The following RYR3 variants were observed in gnomAD, a reference collection of about 807,000 sequenced individuals.
RYR3 encodes ryanodine receptor 3.
Under a neutral mutation model 584.3 loss-of-function variants are expected in RYR3, and 207 were observed. The ratio of observed to expected loss-of-function variants is 0.35; its 90% confidence interval spans 0.32 to 0.40. The LOEUF is 0.40. RYR3 is among the 10% of genes least tolerant of loss of function. The probability of loss-of-function intolerance (pLI) is 1.00; values close to 1 mark genes in which losing one functional copy is unlikely to be tolerated. For missense variants in RYR3, 5,616 were observed against 6,089.2 expected, an observed-to-expected ratio of 0.92 and a Z score of 2.59; for synonymous variants, 2,416 against 2,248.5, an observed-to-expected ratio of 1.07 and a Z score of -2.11.
chr15:33,543,497 CA>C (rs892989450), intron 7 of RYR3, 124 bp from the exon 8 acceptor site: 1 of 706,562 alleles, frequency 1.4e-6, no homozygotes, highest in African/African-American at 1.7e-5. Flanking sequence ...ATGTAGTTAT[CA>C]AAATGTGTCT....
intron 43 of RYR3, among the ~76,000 whole-genome samples, chr15:33,713,357 T>C (rs1227690905): frequency 1.3e-5 from 2 of 151,814 alleles, no homozygotes; most frequent in Non-Finnish European, 2.9e-5. Flanking sequence ...TAGTGAGTTG[T>C]AGGGTGACTG....
chr15:33,538,915 C>T (rs769157028), intron 5 of RYR3, among the ~76,000 whole-genome samples: 24 of 151,974 alleles, frequency 1.6e-4, no homozygotes, highest in Non-Finnish European at 3.4e-4. Flanking sequence ...TTTAAAAAAG[C>T]TTCCCTTAGG....
Position 33,788,071 on chromosome 15 carries a change from T to C in RYR3, c.9590-147T>C. 3.1e-6 allele frequency: 3 copies of C among 959,446 alleles called. No homozygotes were observed. In the South Asian group the frequency reaches 4.5e-5, roughly 14 times the overall value. The allele number at this position is 959,446 out of a possible 1,614,324, so 59.4% of individuals were successfully genotyped here. Reference sequence around the variant, plus strand: ...TCAAGGTGACTCTATGAGAGGGAAGTATCAAGGGGAAGATTGAGGAAGGGA... The same window carrying C: ...TCAAGGTGACTCTATGAGAGGGAAGCATCAAGGGGAAGATTGAGGAAGGGA... On this transcript the variant is annotated intron_variant, in intron 66 of 103. Transcript: ENST00000634891.
rs116759111 is a variant in RYR3 at position 33,804,158 on chromosome 15, C to A, written c.10011+2197C>A. On this transcript the variant is annotated intron_variant, in intron 69 of 103. Coordinates refer to ENST00000634891, the MANE Select transcript of RYR3 (RefSeq NM_001036.6). ...GTCATTTTCAGAAAGTGGTCTTCTT[C>A]CTTGCTGGTCCGGTTAGTCTGTAGA... Among the ~76,000 whole-genome samples, 310 of 152,336 alleles carry A rather than the reference C, an allele frequency of 2.0e-3. 1 individual carries two copies. Among genetic ancestry groups the A allele is most frequent in the African/African-American group, 6.9e-3 (287 of 41,570 alleles).
At position 33,550,290 on chromosome 15, in the gene RYR3, A is replaced by G; in HGVS notation, c.946A>G (p.Thr316Ala). The part of the protein sequence containing the change: ...QDRAKSDTKS[T>A]AFSFRASKEL... ...CCGGGCAAAGTCAGACACCAAGTCC[A>G]CAGCTTTCTCTTTCCGGGCATCAAA... The change falls in exon 10 of 104, where the codon ACA becomes GCA. Residue 316 changes from threonine (T) to alanine (A), a missense_variant. Thr to Ala is a moderately conservative substitution (Grantham distance 58). Coordinates refer to ENST00000634891, the MANE Select transcript of RYR3 (RefSeq NM_001036.6). 1 of 1,613,472 alleles carries G rather than the reference A, an allele frequency of 6.2e-7. No individual in the cohort carries two copies. Among genetic ancestry groups the G allele is most frequent in the Non-Finnish European group, 8.5e-7 (1 of 1,179,658 alleles).
rs776512613 is a variant in RYR3, at chr15:33,663,671, C to T, written c.5553C>T (p.Ala1851=). ...TCCGCTACAATGAGCTCATGCAGGC[C>T]CTGAACATGTCTGCGGCCCTGACTG... is the stretch of plus-strand genomic sequence containing the variant. The part of the protein sequence containing the change: ...QKFRYNELMQ[A]LNMSAALTAR... The change falls in exon 36 of 104, where the codon GCC becomes GCT. Residue 1851 remains alanine, a synonymous_variant. Coordinates refer to ENST00000634891, the MANE Select transcript of RYR3 (RefSeq NM_001036.6). The T allele has an allele frequency of 3.7e-6, 6 of 1,612,814 alleles. No homozygotes were observed. Among genetic ancestry groups the T allele is most frequent in the Non-Finnish European group, 5.1e-6 (6 of 1,179,588 alleles).
At chr15:33,601,949 C>T (rs1303755227) in intron 17 of RYR3, among the ~76,000 whole-genome samples, 1 of 152,196 alleles carries the variant, frequency 6.6e-6, no homozygotes, top group Non-Finnish European at 1.5e-5. Flanking sequence ...GAGACTGTGG[C>T]TTCTTGCATC....
In RYR3 at chr15:33,352,675, G is replaced by T. The variant is rs1264956168; in HGVS notation, c.51+41579G>T. On this transcript the variant is annotated intron_variant, in intron 1 of 103. Coordinates refer to ENST00000634891, the MANE Select transcript of RYR3 (RefSeq NM_001036.6). ...GTCTGATACTCTTTAAGCTAACAATGCATAGAATATTATTCACAAGCAAAA... is the reference window on the plus strand; with the variant it reads ...GTCTGATACTCTTTAAGCTAACAATTCATAGAATATTATTCACAAGCAAAA... 3.9e-5 allele frequency among the ~76,000 whole-genome samples: 6 copies of T among 152,192 alleles called. No homozygotes were observed. The East Asian group carries it at 1.2e-3, about 29-fold the overall frequency.
chr15:33,550,405 G>A (rs2056595036), intron 10 of RYR3, 89 bp downstream of exon 10: 1 of 1,318,574 alleles, frequency 7.6e-7, no homozygotes, highest in Admixed American at 2.8e-5. Flanking sequence ...AAAGAAAGTA[G>A]GCTGGAACAA....
chr15:33,470,576 A>T (rs2048849187), intron 1 of RYR3, among the ~76,000 whole-genome samples: 1 of 152,234 alleles, frequency 6.6e-6, no homozygotes, highest in African/African-American at 2.4e-5. Context: ...AAAGTAAGGA[A>T]TGCGAAAGCA....
intron 72 of RYR3, among the ~76,000 whole-genome samples, chr15:33,812,299 C>T (rs78155170): frequency 0.011 from 1,598 of 152,018 alleles, 16 homozygotes; most frequent in Non-Finnish European, 0.017. Context: ...CAAAGCACAT[C>T]AGGAAATCTA....
intron 92 of RYR3, 73 bp from the exon 93 acceptor site, chr15:33,844,789 A>G (rs1036314742): frequency 3.1e-6 from 4 of 1,307,892 alleles, no homozygotes; most frequent in Non-Finnish European, 4.3e-6. Flanking sequence ...CTAACAATAT[A>G]AAATATGTGG....
intron 43 of RYR3, among the ~76,000 whole-genome samples, chr15:33,708,712 A>C (rs2066889976): frequency 6.6e-6 from 1 of 152,202 alleles, no homozygotes; most frequent in Non-Finnish European, 1.5e-5. Context: ...CTTGAATATA[A>C]AATTTTCTTT....
chr15:33,746,128 A>T lies in RYR3; in HGVS notation c.7960A>T (p.Ile2654Leu), dbSNP rs2070686564. 1 of 1,599,912 alleles carries T rather than the reference A, an allele frequency of 6.3e-7. No homozygotes were observed. Among genetic ancestry groups the T allele is most frequent in the Non-Finnish European group, 8.5e-7 (1 of 1,173,152 alleles). The change falls in exon 53 of 104, where the codon ATA (isoleucine) becomes TTA (leucine). Residue 2654 changes from isoleucine (I) to leucine (L), a missense_variant. Coordinates refer to ENST00000634891, the MANE Select transcript of RYR3 (RefSeq NM_001036.6). ...LDENVKTHPL[I>L]RPFKTLTEKE... ...TGAAAATGTGAAGACCCACCCACTG[A>T]TAAGGCCTTTCAAGACATTAACGGA... is the stretch of plus-strand genomic sequence containing the variant.
intron 1 of RYR3, among the ~76,000 whole-genome samples, chr15:33,374,683 A>G (rs2040596279): frequency 6.6e-6 from 1 of 152,178 alleles, no homozygotes; most frequent in South Asian, 2.1e-4. Context: ...TGTGCTCTGA[A>G]TGGTAATGAA....
In RYR3 at chr15:33,584,484, T is replaced by G; in HGVS notation, c.1663T>G (p.Ser555Ala). ...CAGTAAATTGGACAGACTAGAATCT[T>G]CCTCAGGTGAGAATTGACAGGAAAC... ...LISKLDRLES[S>A]SGILEVLHCI... The change falls in exon 15 of 104, where the codon TCC (serine) becomes GCC (alanine). Residue 555 changes from serine (S) to alanine (A), a missense_variant. Transcript: ENST00000634891. 1 of 1,494,494 alleles carries G rather than the reference T, an allele frequency of 6.7e-7. No homozygotes were observed. Among genetic ancestry groups the G allele is most frequent in the Non-Finnish European group, 9.3e-7 (1 of 1,076,854 alleles). 92.6% of individuals were successfully genotyped at this position (1,494,494 alleles called of 1,614,324 possible). A position where few individuals can be genotyped will look rare whatever the true frequency, so the allele number is the denominator to read the frequency against.
chr15:33,821,042 T>C lies in RYR3; in HGVS notation c.10816-228T>C, dbSNP rs144070925. ...TATCCAAAAGGAATGGACTGTGTGT[T>C]CTATCAGTACAAAAAATGGAAAATG... On this transcript the variant is annotated intron_variant, in intron 78 of 103. Coordinates refer to ENST00000634891, the MANE Select transcript of RYR3 (RefSeq NM_001036.6). 4.2e-3 allele frequency among the ~76,000 whole-genome samples: 631 copies of C among 151,310 alleles called. 7 individuals carry two copies. The highest frequency in any genetic ancestry group is 0.014 in the African/African-American group (595 of 41,072).
intron 13 of RYR3, among the ~76,000 whole-genome samples, chr15:33,580,639 C>G (rs2152514223): frequency 6.6e-6 from 1 of 152,308 alleles, no homozygotes; most frequent in African/African-American, 2.4e-5. Flanking sequence ...GCTTAAGACA[C>G]CCAGGACCTC....
chr15:33,387,265 T>A (rs1161705490), intron 1 of RYR3, among the ~76,000 whole-genome samples: 1 of 152,242 alleles, frequency 6.6e-6, no homozygotes, highest in African/African-American at 2.4e-5. Context: ...ACCTTTTGGT[T>A]ATTGTGAATA....
Sources: gnomAD v4.1 joint callset for allele counts (sites outside exome capture counted in the v4.1 genomes callset) on GRCh38, gnomAD v4.1.1 for gene constraint, MANE v1.5 for transcripts, NCBI Gene and HGNC (gene_info 2026-07-23, HGNC 2026-07-21) for gene names.